Variants in KLHL17 observed in about 807,000 individuals in gnomAD.
KLHL17 encodes kelch like family member 17.
A neutral mutation model predicts 64.6 loss-of-function variants in KLHL17; 71 were observed. The ratio of observed to expected loss-of-function variants is 1.10; its 90% CI spans 0.91 to 1.34. The LOEUF (loss-of-function observed/expected upper bound fraction) is 1.34. Ranked by LOEUF, KLHL17 falls within the 40% of genes most tolerant of loss-of-function variation. The pLI is 0.00. For missense variants in KLHL17, 1,140 were observed against 935.0 expected (o/e 1.22, Z -2.86); for synonymous variants, 612 against 405.4 (o/e 1.51, Z -6.12).
At position 961,446 on chromosome 1, in the gene KLHL17, G is replaced by A. The variant is rs779318670; in HGVS notation, c.261G>A (p.Gln87=). The A allele has an allele frequency of 3.1e-6, 5 of 1,612,210 alleles. No homozygotes were observed. In the African/African-American group the frequency reaches 6.7e-5, roughly 22 times the overall value. The change falls in exon 2 of 12, where the codon CAG becomes CAA. Residue 87 remains glutamine (Q), a synonymous_variant. Transcript: ENST00000338591. Reference sequence around the variant, plus strand: ...TCGTGGCCATGAGCCGCATGCGCCAGCGCGGCCTCCTGTGCGACATCGTCC... The same window carrying A: ...TCGTGGCCATGAGCCGCATGCGCCAACGCGGCCTCCTGTGCGACATCGTCC... ...DAFVAMSRMR[Q]RGLLCDIVLH... is the part of the protein sequence containing the mutation.
chr1:962,725 C>T lies in KLHL17; in HGVS notation c.850C>T (p.Pro284Ser), dbSNP rs759909013. ...VPRLMKCVRL[P>S]LLSRDFLLGH... ...CCAGCTCATGAAGTGTGTGCGGCTGCCCTTGCTGAGCCGCGACTTCCTGCT... is the reference window on the plus strand; with the variant it reads ...CCAGCTCATGAAGTGTGTGCGGCTGTCCTTGCTGAGCCGCGACTTCCTGCT... The change falls in exon 6 of 12, where the codon CCC becomes TCC. Residue 284 changes from proline (P) to serine (S), a missense_variant. Coordinates refer to ENST00000338591, the MANE Select transcript of KLHL17 (RefSeq NM_198317.3). 1.1e-5 allele frequency: 18 copies of T among 1,606,358 alleles called. No homozygotes were observed. Among genetic ancestry groups the T allele is most frequent in the East Asian group, 2.2e-5 (1 of 44,876 alleles).
rs1335474342 is a variant in KLHL17 at position 961,807 on chromosome 1, G to A, written c.490-19G>A. On this transcript the variant is annotated intron_variant, in intron 3 of 11. Transcript: ENST00000338591. ...CCCCGACCCTGTGCCTCCCTCACCT[G>A]CCTCTCGGTGCCCCGTAGACTCTGC... 13 of 1,610,290 alleles carry A rather than the reference G, an allele frequency of 8.1e-6. No individual in the cohort carries two copies. The highest frequency in any genetic ancestry group is 1.1e-5 in the Non-Finnish European group (13 of 1,179,618).
At chr1:963,895 G>A (rs1642768880) in intron 8 of KLHL17, 25 bp from the exon 9 acceptor site, 2 of 1,610,180 alleles carry the variant, frequency 1.2e-6, no homozygotes, top group South Asian at 1.1e-5. Context: ...CTGCTGAGCT[G>A]TGGCTGCGGT....
Position 961,485 on chromosome 1 carries a change from C to G in KLHL17, c.300C>G (p.Ala100=), listed in dbSNP as rs141117010. The change falls in exon 2 of 12, where the codon GCC becomes GCG. Residue 100 remains alanine, a synonymous_variant. Transcript: ENST00000338591. The part of the protein sequence containing the change: ...LLCDIVLHVA[A]KEIRAHKVVL... ...GCGACATCGTCCTGCACGTGGCTGC[C>G]AAGGAGATCCGTGCGCACAAAGTGG... 150 of 1,612,516 alleles carry G rather than the reference C, an allele frequency of 9.3e-5. 1 individual carries two copies. The African/African-American group carries it at 1.7e-3, about 18-fold the overall frequency.
rs1196508261 is a variant in KLHL17, at chr1:961,328, G to C, written c.143G>C (p.Arg48Pro). The C allele has an allele frequency of 2.6e-6, 4 of 1,544,248 alleles. No homozygotes were observed. Among genetic ancestry groups the C allele is most frequent in the Non-Finnish European group, 3.5e-6 (4 of 1,150,558 alleles). Residue 48 changes from arginine to proline, a missense_variant, in exon 2 of 12, where the codon CGG becomes CCG. Arg to Pro is a moderately radical substitution (Grantham distance 103). Coordinates refer to ENST00000338591, the MANE Select transcript of KLHL17 (RefSeq NM_198317.3). ...EAERTRPRQA[R>P]PAAPMEGAVQ... The stretch of plus-strand genomic sequence containing the variant: ...GAGCGCACGCGGCCCCGGCAGGCTC[G>C]GCCCGCAGCCCCCATGGAGGGAGCC...
Position 961,696 on chromosome 1 carries a change from G to C in KLHL17, c.435G>C (p.Gln145His), listed in dbSNP as rs1234980804. 1 of 1,612,386 alleles carries C rather than the reference G, an allele frequency of 6.2e-7. No individual in the cohort carries two copies. Among genetic ancestry groups the C allele is most frequent in the Non-Finnish European group, 8.5e-7 (1 of 1,179,550 alleles). Residue 145 changes from glutamine (Q) to histidine (H), a missense_variant, in exon 3 of 12, where the codon CAG becomes CAC. Gln to His is a conservative substitution (Grantham distance 24, BLOSUM62 0). Coordinates refer to ENST00000338591, the MANE Select transcript of KLHL17 (RefSeq NM_198317.3). Reference protein sequence around the residue: ...LHDIDPQALDQLVQFAYTAEI... With the variant: ...LHDIDPQALDHLVQFAYTAEI... ...ACATCGACCCTCAGGCCTTGGACCA[G>C]CTGGTGCAGTTTGCCTACACGGCTG...
intron 4 of KLHL17, 26 bp downstream of exon 4, chr1:962,073 GC>G (rs748154276): frequency 1.9e-6 from 3 of 1,559,848 alleles, no homozygotes; most frequent in Non-Finnish European, 2.6e-6. Context: ...CCCAGCCCTC[GC>G]CCCCCACCCC....
chr1:962,226 C>T, intron 4 of KLHL17, 129 bp from the exon 5 acceptor site: 1 of 1,475,340 alleles, frequency 6.8e-7, no homozygotes, highest in Non-Finnish European at 9.3e-7. Flanking sequence ...TGGCTCCTGA[C>T]TCTGCTCGGC....
Position 961,813 on chromosome 1 carries a change from C to G in KLHL17, c.490-13C>G. ...CCCTGTGCCTCCCTCACCTGCCTCT[C>G]GGTGCCCCGTAGACTCTGCTCCCAG... On this transcript the variant is annotated splice_polypyrimidine_tract_variant and intron_variant, in intron 3 of 11. Transcript: ENST00000338591. The G allele has an allele frequency of 1.2e-6, 2 of 1,610,240 alleles. No individual in the cohort carries two copies. The highest frequency in any genetic ancestry group is 1.7e-6 in the Non-Finnish European group (2 of 1,179,630).
Position 963,155 on chromosome 1 carries a change from C to T in KLHL17, c.1089C>T (p.Asp363=), listed in dbSNP as rs145086267. 128 of 1,611,452 alleles carry T rather than the reference C, an allele frequency of 7.9e-5. No individual in the cohort carries two copies. The African/African-American group carries it at 1.4e-3, about 18-fold the overall frequency. The change falls in exon 7 of 12, where the codon GAC becomes GAT. Residue 363 remains aspartate (D), a synonymous_variant. Coordinates refer to ENST00000338591, the MANE Select transcript of KLHL17 (RefSeq NM_198317.3). ...FAIHGDCEAY[D]TRTDRWHVVA... ...TCCACGGAGACTGTGAGGCCTACGA[C>T]ACGCGCACCGACCGCTGGCACGTGG...
At chr1:964,261 T>C in intron 10 of KLHL17, 81 bp downstream of exon 10, 4 of 1,593,090 alleles carry the variant, frequency 2.5e-6, no homozygotes, top group Non-Finnish European at 3.4e-6. Context: ...ATCCCCCCCA[T>C]TCCTGACACC....
intron 7 of KLHL17, 32 bp from the exon 8 acceptor site, chr1:963,305 A>C: frequency 6.2e-7 from 1 of 1,600,254 alleles, no homozygotes; most frequent in Non-Finnish European, 8.5e-7. Flanking sequence ...CCGCCAGGCC[A>C]GTCTTGACCT....
At chr1:963,825 T>C in intron 8 of KLHL17, 95 bp from the exon 9 acceptor site, 1 of 1,353,166 alleles carries the variant, frequency 7.4e-7, no homozygotes, top group Non-Finnish European at 1.0e-6. Context: ...ACTCCTAGGG[T>C]AAGATTTCAG....
chr1:963,706 C>T, intron 8 of KLHL17: 2 of 817,480 alleles, frequency 2.4e-6, no homozygotes, highest in Non-Finnish European at 1.9e-6. Context: ...TCCTTACCCC[C>T]AGTCCAGAGG....
intron 8 of KLHL17, 60 bp downstream of exon 8, chr1:963,564 G>A (rs1642756882): frequency 1.3e-6 from 2 of 1,531,982 alleles, no homozygotes; most frequent in South Asian, 1.2e-5. Context: ...GCAAGTTTGT[G>A]TCACCATCAC....
At chr1:964,262 T>C in intron 10 of KLHL17, 82 bp downstream of exon 10, 1 of 1,595,452 alleles carries the variant, frequency 6.3e-7, no homozygotes. Context: ...TCCCCCCCAT[T>C]CCTGACACCC....
intron 10 of KLHL17, 22 bp from the exon 11 acceptor site, chr1:964,327 C>T: frequency 3.9e-6 from 6 of 1,550,978 alleles, no homozygotes; most frequent in South Asian, 1.2e-5. Context: ...GGTCTGCGTC[C>T]AGCCCACGCC....
chr1:961,590 G>T, intron 2 of KLHL17, 38 bp downstream of exon 2: 2 of 1,612,736 alleles, frequency 1.2e-6, no homozygotes, highest in Non-Finnish European at 1.7e-6. Flanking sequence ...GGCTCCGTGG[G>T]TCCCTCGGGT....
intron 4 of KLHL17, 144 bp downstream of exon 4, chr1:962,191 C>T (rs984447124): frequency 1.4e-5 from 18 of 1,293,870 alleles, no homozygotes; most frequent in Non-Finnish European, 1.6e-5. Context: ...CTTTCTGGAT[C>T]TGGGCCCCCC....
Sources: allele counts gnomAD v4.1 joint callset, GRCh38; gene constraint gnomAD v4.1.1; transcripts MANE v1.5; gene names NCBI Gene and HGNC (gene_info 2026-07-23, HGNC 2026-07-21).